DNMT3B: variants seen among roughly 807,000 people sequenced by gnomAD.
DNMT3B encodes the protein DNA methyltransferase 3 beta.
DNMT3B carries 37 observed loss-of-function variants against 120.2 expected under a neutral mutation model. The ratio of observed to expected loss-of-function variants is 0.31; its 90% confidence interval spans 0.24 to 0.40. The LOEUF (loss-of-function observed/expected upper bound fraction) is 0.40, where lower values mean the gene tolerates loss of function less well. DNMT3B is among the 10% of genes least tolerant of loss of function. DNMT3B has a pLI of 1.00. For missense variants in DNMT3B, 878 were observed against 1,137.3 expected, an observed-to-expected ratio of 0.77 and a Z score of 3.28; for synonymous variants, 412 against 442.8, an observed-to-expected ratio of 0.93 and a Z score of 0.87.
intron 20 of DNMT3B, among the ~76,000 whole-genome samples, chr20:32,803,007 G>A (rs991753411): frequency 5.3e-5 from 8 of 152,160 alleles, no homozygotes; most frequent in Admixed American, 5.2e-4. Context: ...TGTTACCGGT[G>A]CCTTTCCTCC....
In DNMT3B at chr20:32,788,823, CTGG is replaced by C. The variant is rs746146250; in HGVS notation, c.655-30_655-28del. ...CTTGGCCCAGGATGGCCTCTCCTCACTGGGATTTCTTCATGTGGGTTTTCTTCC... is the reference window on the plus strand; with the variant it reads ...CTTGGCCCAGGATGGCCTCTCCTCACGATTTCTTCATGTGGGTTTTCTTCC... On this transcript the variant is annotated intron_variant, in intron 6 of 22. Transcript: ENST00000328111. 2.5e-6 allele frequency: 4 copies of C among 1,614,182 alleles called. No individual in the cohort carries two copies. In the South Asian group the frequency reaches 4.4e-5, roughly 18 times the overall value.
In DNMT3B at chr20:32,800,830, T is replaced by C. The variant is rs2424928; in HGVS notation, c.1906-5T>C. On this transcript the variant is annotated splice_polypyrimidine_tract_variant and splice_region_variant and intron_variant, in intron 17 of 22. Transcript: ENST00000328111. ...CCTCATCCTGACTCTGTCTCTCTCT[T>C]TCAGATTGAAGAATGGGGCCCATTT... 808,424 of 1,611,274 alleles carry C rather than the reference T, an allele frequency of 0.5. 216,817 individuals carry two copies. Among genetic ancestry groups the C allele is most frequent in the East Asian group, 1 (44,694 of 44,814 alleles).
At chr20:32,807,236 A>G (rs1363340494) in intron 22 of DNMT3B, among the ~76,000 whole-genome samples, 1 of 152,182 alleles carries the variant, frequency 6.6e-6, no homozygotes, top group South Asian at 2.1e-4. Context: ...CAGCCTCTGT[A>G]GCCTCTTTCC....
At chr20:32,795,336 G>T in intron 10 of DNMT3B, 73 bp from the exon 11 acceptor site, 1 of 1,609,382 alleles carries the variant, frequency 6.2e-7, no homozygotes, top group Non-Finnish European at 8.5e-7. Flanking sequence ...GCATAGCATG[G>T]TCTTGTCCTG....
intron 6 of DNMT3B, 66 bp downstream of exon 6, chr20:32,787,517 C>T: frequency 6.6e-7 from 1 of 1,521,980 alleles, no homozygotes; most frequent in Non-Finnish European, 9.0e-7. Context: ...AAACCAGTTA[C>T]CTGCTACTGT....
chr20:32,774,798 C>T (rs1427083559), intron 1 of DNMT3B, among the ~76,000 whole-genome samples: 1 of 151,980 alleles, frequency 6.6e-6, no homozygotes, highest in East Asian at 1.9e-4. Context: ...AACCTCACTG[C>T]AACCCCCGCC....
chr20:32,778,134 C>G (rs534440690), intron 1 of DNMT3B, among the ~76,000 whole-genome samples: 42 of 152,234 alleles, frequency 2.8e-4, no homozygotes, highest in Middle Eastern at 3.4e-3. Flanking sequence ...GACAAGACAT[C>G]GAGACCATCC....
At chr20:32,776,232 GA>G (rs35285794) in intron 1 of DNMT3B, among the ~76,000 whole-genome samples, 76,981 of 142,016 alleles carry the variant, frequency 0.54, 21,888 homozygotes, top group East Asian at 0.91. Flanking sequence ...CTTAAAAAAA[GA>G]AAAAAAAAAA....
In DNMT3B at chr20:32,795,708, C is replaced by T. The variant is rs957001734; in HGVS notation, c.1297+14C>T. On this transcript the variant is annotated intron_variant, in intron 12 of 22. Coordinates refer to ENST00000328111, the MANE Select transcript of DNMT3B (RefSeq NM_006892.4). ...GCAGCCTGGAAGGTAACGTTCTCTC[C>T]CTCCCAGTCATCCCCCTCACACCCT... 2.5e-6 allele frequency: 4 copies of T among 1,613,886 alleles called. No individual in the cohort carries two copies. In the African/African-American group the frequency reaches 5.3e-5, roughly 22 times the overall value.
chr20:32,787,472 T>C, intron 6 of DNMT3B, 21 bp downstream of exon 6: 1 of 1,607,290 alleles, frequency 6.2e-7, no homozygotes, highest in South Asian at 1.1e-5. Context: ...GAGGGGCTCC[T>C]GCCCAGGGTG....
At position 32,780,017 on chromosome 20, in the gene DNMT3B, G is replaced by A. The variant is rs955104117; in HGVS notation, c.-6-301G>A. Reference sequence around the variant, plus strand: ...CTAAATGGCATTGTTTGAAGGGGCCGGCTAATTGCACAGAGCAGTCTGAGC... The same window carrying A: ...CTAAATGGCATTGTTTGAAGGGGCCAGCTAATTGCACAGAGCAGTCTGAGC... On this transcript the variant is annotated intron_variant, in intron 1 of 22. Transcript: ENST00000328111. 277 of 1,488,816 alleles carry A rather than the reference G, an allele frequency of 1.9e-4. 1 individual carries two copies. The highest frequency in any genetic ancestry group is 2.3e-4 in the Non-Finnish European group (253 of 1,087,444). The allele number at this position is 1,488,816 out of a possible 1,614,324, so 92.2% of individuals were successfully genotyped here.
chr20:32,788,764 T>A, intron 6 of DNMT3B, 90 bp from the exon 7 acceptor site: 1 of 1,542,588 alleles, frequency 6.5e-7, no homozygotes, highest in African/African-American at 1.4e-5. Context: ...TGGCAAGCTT[T>A]TTGTTGCCCT....
intron 3 of DNMT3B, among the ~76,000 whole-genome samples, chr20:32,782,213 G>GT (rs1178714161): frequency 3.3e-5 from 5 of 152,212 alleles, no homozygotes; most frequent in African/African-American, 1.2e-4. Context: ...CATTAAATTT[G>GT]TAGGTGGAAG....
At chr20:32,765,363 C>A (rs1012400647) in intron 1 of DNMT3B, among the ~76,000 whole-genome samples, 2 of 150,336 alleles carry the variant, frequency 1.3e-5, no homozygotes, top group Non-Finnish European at 3.0e-5. Flanking sequence ...AGAACTGAGG[C>A]TCTGGAAGAT....
intron 1 of DNMT3B, among the ~76,000 whole-genome samples, chr20:32,774,508 CTT>C (rs386393640): frequency 1.7e-4 from 17 of 98,526 alleles, no homozygotes; most frequent in Non-Finnish European, 1.3e-4. Context: ...CGCGCCTGGC[CTT>C]TTTTTTTTTT....
At chr20:32,786,352 G>A in intron 4 of DNMT3B, 150 bp from the exon 5 acceptor site, 1 of 1,135,804 alleles carries the variant, frequency 8.8e-7, no homozygotes, top group Non-Finnish European at 1.3e-6. Flanking sequence ...ACTCAGTCCA[G>A]AGTCCCACCT....
At chr20:32,795,579 C>T (rs111697392) in intron 11 of DNMT3B, 45 bp downstream of exon 11, 186 of 1,614,092 alleles carry the variant, frequency 1.2e-4, no homozygotes, top group Middle Eastern at 1.6e-4. Flanking sequence ...GGGAGGAGGA[C>T]GCTGCAGATC....
chr20:32,785,302 AGT>A (rs1419036943), intron 4 of DNMT3B, among the ~76,000 whole-genome samples: 1 of 152,100 alleles, frequency 6.6e-6, no homozygotes, highest in Non-Finnish European at 1.5e-5. Flanking sequence ...GGCCTCCTAA[AGT>A]GCTGGGATTT....
intron 1 of DNMT3B, among the ~76,000 whole-genome samples, chr20:32,775,427 C>T (rs1428193030): frequency 1.3e-5 from 2 of 152,278 alleles, no homozygotes; most frequent in Admixed American, 1.3e-4. Flanking sequence ...TGGGTTGGGG[C>T]GAGTCCCTGA....
Sources: allele counts gnomAD v4.1 joint callset (sites outside exome capture counted in the v4.1 genomes callset), GRCh38; gene constraint gnomAD v4.1.1; transcripts MANE v1.5; gene names NCBI Gene and HGNC (gene_info 2026-07-23, HGNC 2026-07-21).